SRGAP2B: variants seen among roughly 807,000 people sequenced by gnomAD.
SRGAP2B encodes the protein SLIT-ROBO Rho GTPase activating protein 2B.
SRGAP2B carries 9 observed loss-of-function variants against 22.2 expected under a neutral mutation model. The observed-to-expected ratio is 0.41, with a 90% CI of 0.24 to 0.71. The LOEUF (loss-of-function observed/expected upper bound fraction) is 0.71, where lower values mean the gene tolerates loss of function less well. Among genes scored for constraint, SRGAP2B ranks in the 30% least tolerant of loss-of-function variants. The pLI is 0.35. For missense variants in SRGAP2B, 114 were observed against 235.8 expected, an observed-to-expected ratio of 0.48 and a Z score of 3.38; for synonymous variants, 36 against 87.4, an observed-to-expected ratio of 0.41 and a Z score of 3.28.
chr1:144,954,686 G>A (rs1558776664), intron 4 of SRGAP2B, among the ~76,000 whole-genome samples: 1 of 150,910 alleles, frequency 6.6e-6, no homozygotes, highest in African/African-American at 2.5e-5. Context: ...GGATTTTCAA[G>A]AGGCTGGTTC....
At chr1:144,922,940 CATT>C (rs1346746467) in intron 4 of SRGAP2B, among the ~76,000 whole-genome samples, 1 of 151,266 alleles carries the variant, frequency 6.6e-6, no homozygotes, top group East Asian at 1.9e-4. Context: ...GGAGGAAATC[CATT>C]CCTTGGCATG....
At chr1:144,921,230 C>T (rs1181769993) in intron 4 of SRGAP2B, among the ~76,000 whole-genome samples, 2 of 98,952 alleles carry the variant, frequency 2.0e-5, no homozygotes, top group African/African-American at 4.7e-5. Flanking sequence ...CACACCATAA[C>T]CTAATTCCAC....
chr1:144,970,818 T>G (rs1311468067), intron 3 of SRGAP2B, among the ~76,000 whole-genome samples: 6 of 150,162 alleles, frequency 4.0e-5, no homozygotes, highest in Non-Finnish European at 8.8e-5. Flanking sequence ...AATAAATAAA[T>G]GGGATAAGCA....
chr1:145,040,955 A>G (rs1649156207), intron 2 of SRGAP2B, among the ~76,000 whole-genome samples: 2 of 140,666 alleles, frequency 1.4e-5, no homozygotes, highest in African/African-American at 5.4e-5. Flanking sequence ...TTCACTGCCC[A>G]TTCCCATTAG....
At chr1:145,063,553 G>A (rs1178997899) in intron 2 of SRGAP2B, among the ~76,000 whole-genome samples, 20 of 149,594 alleles carry the variant, frequency 1.3e-4, no homozygotes, top group Non-Finnish European at 2.7e-4. Flanking sequence ...GGGCTAGGCG[G>A]CTGAGATTTC....
intron 5 of SRGAP2B, among the ~76,000 whole-genome samples, chr1:144,909,685 G>T (rs1427655036): frequency 0.062 from 6,998 of 112,396 alleles, 2 homozygotes; most frequent in Non-Finnish European, 0.076. Context: ...GTTAGAGAGG[G>T]TCCATGGACT....
At chr1:144,998,992 C>T (rs1286475491) in intron 2 of SRGAP2B, among the ~76,000 whole-genome samples, 1 of 150,846 alleles carries the variant, frequency 6.6e-6, no homozygotes, top group Non-Finnish European at 1.5e-5. Flanking sequence ...TATCAACAAA[C>T]AAAAGGGCAG....
At chr1:144,997,192 G>A (rs1198480829) in intron 2 of SRGAP2B, among the ~76,000 whole-genome samples, 4 of 150,544 alleles carry the variant, frequency 2.7e-5, no homozygotes, top group African/African-American at 1.0e-4. Flanking sequence ...ACTTTGGGAG[G>A]CCGAGGCGGG....
chr1:144,991,447 A>C (rs1553617122), intron 3 of SRGAP2B, among the ~76,000 whole-genome samples: 2 of 149,314 alleles, frequency 1.3e-5, no homozygotes, highest in Non-Finnish European at 1.5e-5. Flanking sequence ...CTGTAAATAC[A>C]CCAATCGGCA....
At chr1:144,956,793 T>C (rs868932033) in intron 3 of SRGAP2B, among the ~76,000 whole-genome samples, 4 of 149,678 alleles carry the variant, frequency 2.7e-5, no homozygotes, top group East Asian at 2.0e-4. Context: ...AAAAGAATTA[T>C]TGATTACCAA....
chr1:144,927,550 T>C (rs1378806167), intron 4 of SRGAP2B, among the ~76,000 whole-genome samples: 1 of 148,738 alleles, frequency 6.7e-6, no homozygotes, highest in African/African-American at 2.6e-5. Context: ...ACGTCTTTTT[T>C]ACCTCTAGCT....
chr1:145,009,581 C>A (rs1254869831), intron 2 of SRGAP2B, among the ~76,000 whole-genome samples: 4 of 145,742 alleles, frequency 2.7e-5, no homozygotes, highest in Non-Finnish European at 4.5e-5. Context: ...GAGCGAGACT[C>A]CGTCTCAAAA....
chr1:144,974,101 T>G (rs1246763090), intron 3 of SRGAP2B, among the ~76,000 whole-genome samples: 1 of 150,716 alleles, frequency 6.6e-6, no homozygotes, highest in Non-Finnish European at 1.5e-5. Context: ...AGCCATAGCT[T>G]GATTATCAAC....
intron 2 of SRGAP2B, among the ~76,000 whole-genome samples, chr1:145,007,567 G>A (rs1477508492): frequency 1.3e-5 from 2 of 150,596 alleles, no homozygotes; most frequent in Non-Finnish European, 2.9e-5. Context: ...AGGCCGCAGA[G>A]AAAATTCTGA....
chr1:144,928,414 T>G (rs1427890337), intron 4 of SRGAP2B, among the ~76,000 whole-genome samples: 1 of 120,600 alleles, frequency 8.3e-6, no homozygotes, highest in Non-Finnish European at 1.9e-5. Context: ...GTTATTTATT[T>G]ATTTATTTAT....
At chr1:145,044,699 A>C (rs1202739220) in intron 2 of SRGAP2B, among the ~76,000 whole-genome samples, 11 of 125,936 alleles carry the variant, frequency 8.7e-5, no homozygotes, top group African/African-American at 2.5e-4. Context: ...AAAAAAAAAA[A>C]ACAGAAAAAG....
Position 145,031,794 on chromosome 1 carries a change from C to A in SRGAP2B, c.68-36594G>T, listed in dbSNP as rs3934198. Among the ~76,000 whole-genome samples the A allele has an allele frequency of 1.0e-3, 141 of 139,472 alleles. 1 individual carries two copies. In the East Asian group the frequency reaches 0.015, roughly 14 times the overall value. The allele number at this position is 139,472 out of a possible 152,430, so 91.5% of individuals were successfully genotyped here. Reference sequence around the variant, plus strand: ...CCCGGGAGGCGGAGCTTGCAGTGAGCCAAGATTGCGCCACTGCACTCCAGC... The same window carrying A: ...CCCGGGAGGCGGAGCTTGCAGTGAGACAAGATTGCGCCACTGCACTCCAGC... On this transcript the variant is annotated intron_variant, in intron 2 of 9. Coordinates refer to ENST00000612199, the Ensembl canonical transcript of SRGAP2B.
intron 4 of SRGAP2B, among the ~76,000 whole-genome samples, chr1:144,943,260 T>A (rs1394896617): frequency 3.5e-5 from 5 of 143,990 alleles, no homozygotes; most frequent in Admixed American, 2.1e-4. Context: ...TAAAACTGTG[T>A]GCATTAGATA....
At chr1:145,068,288 A>C (rs1222864163) in intron 2 of SRGAP2B, among the ~76,000 whole-genome samples, 1 of 147,846 alleles carries the variant, frequency 6.8e-6, no homozygotes, top group East Asian at 2.0e-4. Context: ...TATCTCTAGC[A>C]CCAGACCAGA....
Sources: gnomAD v4.1 joint callset for allele counts (sites outside exome capture counted in the v4.1 genomes callset) on GRCh38, gnomAD v4.1.1 for gene constraint, MANE v1.5 for transcripts, NCBI Gene and HGNC (gene_info 2026-07-23, HGNC 2026-07-21) for gene names.